Variants in SEPHS1 observed in about 807,000 individuals in gnomAD.
SEPHS1 encodes the protein zincore component SEPHS1.
SEPHS1 carries 7 observed loss-of-function variants against 39.2 expected under a neutral mutation model. That is an observed-to-expected ratio of 0.18 (90% CI 0.10 to 0.34). The LOEUF (loss-of-function observed/expected upper bound fraction) is 0.34. Among genes scored for constraint, SEPHS1 ranks in the 10% least tolerant of loss-of-function variants. SEPHS1 has a pLI of 1.00. For missense variants in SEPHS1, 253 were observed against 514.5 expected (o/e 0.49, Z 4.92); for synonymous variants, 190 against 195.5 (o/e 0.97, Z 0.23).
rs1361407515 is a variant in SEPHS1, at chr10:13,322,872, C to A, written c.927G>T (p.Met309Ile). The A allele has an allele frequency of 6.2e-7, 1 of 1,613,856 alleles. No individual in the cohort carries two copies. The highest frequency in any genetic ancestry group is 1.7e-5 in the Admixed American group (1 of 60,006). Residue 309 changes from methionine to isoleucine, a missense_variant, in exon 8 of 9, where the codon ATG (methionine) becomes ATT (isoleucine). This residue lies in a region of SEPHS1 where 107 missense variants were observed against 257.1 expected (regional missense o/e 0.42). Coordinates refer to ENST00000327347, the MANE Select transcript of SEPHS1 (RefSeq NM_012247.5). ...MAAVSKACGNMFGLMHGTCPE... is the reference protein window; with the variant it reads ...MAAVSKACGNIFGLMHGTCPE... ...GGCAGGTCCCGTGCATGAGGCCGAACATGTTTCCGCAGGCCTTGCTCACCG... is the reference window on the plus strand; with the variant it reads ...GGCAGGTCCCGTGCATGAGGCCGAAAATGTTTCCGCAGGCCTTGCTCACCG...
At chr10:13,320,605 C>T (rs998897381) in intron 8 of SEPHS1, among the ~76,000 whole-genome samples, 14 of 151,630 alleles carry the variant, frequency 9.2e-5, no homozygotes, top group South Asian at 2.1e-4. Context: ...TTTGGGAGGC[C>T]GAGGCGGGTG....
intron 1 of SEPHS1, among the ~76,000 whole-genome samples, chr10:13,347,742 G>A (rs1332114012): frequency 7.2e-6 from 1 of 139,600 alleles, no homozygotes; most frequent in Non-Finnish European, 1.6e-5. Context: ...CCTCCCCTCC[G>A]CTCCTCCCCG....
intron 8 of SEPHS1, among the ~76,000 whole-genome samples, chr10:13,319,885 A>G (rs1045154295): frequency 1.3e-5 from 2 of 152,254 alleles, no homozygotes; most frequent in African/African-American, 4.8e-5. Flanking sequence ...TTCGTGAACC[A>G]CATAACACTG....
In SEPHS1 at chr10:13,323,133, T is replaced by C. The variant is rs568750025; in HGVS notation, c.752-86A>G. Reference sequence around the variant, plus strand: ...GTCCACAATTAATCTGCAACTTCCTTACTTGTCAGGGAGATGACGTATCGG... The same window carrying C: ...GTCCACAATTAATCTGCAACTTCCTCACTTGTCAGGGAGATGACGTATCGG... On this transcript the variant is annotated intron_variant, in intron 7 of 8. Transcript: ENST00000327347. 10 of 1,043,748 alleles carry C rather than the reference T, an allele frequency of 9.6e-6. No individual in the cohort carries two copies. The Admixed American group carries it at 9.9e-5, about 10-fold the overall frequency. The allele number at this position is 1,043,748 out of a possible 1,614,324, so 64.7% of individuals were successfully genotyped here.
intron 2 of SEPHS1, among the ~76,000 whole-genome samples, chr10:13,344,012 A>G (rs189687635): frequency 2.0e-3 from 301 of 152,244 alleles, no homozygotes; most frequent in African/African-American, 6.5e-3. Context: ...AAGTGAAATC[A>G]CTCATGACAT....
At chr10:13,336,989 A>G (rs1464286911) in intron 3 of SEPHS1, among the ~76,000 whole-genome samples, 1 of 152,192 alleles carries the variant, frequency 6.6e-6, no homozygotes, top group African/African-American at 2.4e-5. Context: ...TGTTTCTACT[A>G]AAAATATAAA....
At chr10:13,319,380 C>A in intron 8 of SEPHS1, 24 bp from the exon 9 acceptor site, 2 of 1,610,504 alleles carry the variant, frequency 1.2e-6, no homozygotes, top group Non-Finnish European at 1.7e-6. Flanking sequence ...ACAAGAATGA[C>A]TGTTAGTGTT....
At chr10:13,346,217 C>T (rs759277678) in intron 1 of SEPHS1, among the ~76,000 whole-genome samples, 1 of 152,174 alleles carries the variant, frequency 6.6e-6, no homozygotes, top group African/African-American at 2.4e-5. Context: ...GTTTTTTAGC[C>T]TTTGGGGCTA....
chr10:13,330,164 T>A (rs538186300), intron 5 of SEPHS1, among the ~76,000 whole-genome samples: 23 of 152,322 alleles, frequency 1.5e-4, no homozygotes, highest in African/African-American at 5.3e-4. Flanking sequence ...AAACGTTTCA[T>A]CAGGCCCAGA....
chr10:13,335,199 G>C (rs1397446841), intron 4 of SEPHS1, among the ~76,000 whole-genome samples: 1 of 152,202 alleles, frequency 6.6e-6, no homozygotes, highest in Non-Finnish European at 1.5e-5. Flanking sequence ...AGAATGCTAG[G>C]CGATGACACA....
At chr10:13,341,286 G>C (rs1427638078) in intron 2 of SEPHS1, among the ~76,000 whole-genome samples, 2 of 152,152 alleles carry the variant, frequency 1.3e-5, no homozygotes, top group African/African-American at 4.8e-5. Flanking sequence ...GGGAACAGAG[G>C]AAAATGCCAC....
chr10:13,336,180 C>G (rs754539389), intron 4 of SEPHS1, 63 bp downstream of exon 4: 2 of 1,165,228 alleles, frequency 1.7e-6, no homozygotes, highest in East Asian at 2.4e-5. Context: ...CCAAGTCTAA[C>G]CAAGGCCAGA....
At chr10:13,346,600 T>C (rs1194373220) in intron 1 of SEPHS1, among the ~76,000 whole-genome samples, 1 of 151,778 alleles carries the variant, frequency 6.6e-6, no homozygotes, top group Non-Finnish European at 1.5e-5. Context: ...TTTGAAGCCA[T>C]CTTAGAGTTA....
At chr10:13,328,477 G>T in intron 6 of SEPHS1, 27 bp from the exon 7 acceptor site, 1 of 1,459,028 alleles carries the variant, frequency 6.9e-7, no homozygotes. Context: ...AGGTGAGGGA[G>T]AGAAAGAGAG....
chr10:13,339,655 G>A (rs1263043962), intron 2 of SEPHS1, among the ~76,000 whole-genome samples: 2 of 152,000 alleles, frequency 1.3e-5, no homozygotes, highest in Non-Finnish European at 2.9e-5. Context: ...GACTCCCACA[G>A]ACACCAACAT....
chr10:13,321,923 G>C (rs1479105378), intron 8 of SEPHS1: 1 of 331,748 alleles, frequency 3.0e-6, no homozygotes, highest in African/African-American at 2.3e-5. Context: ...AAATGATAAG[G>C]GATATAAAAG....
chr10:13,335,022 C>T (rs1054730237), intron 4 of SEPHS1, among the ~76,000 whole-genome samples: 2 of 152,226 alleles, frequency 1.3e-5, no homozygotes, highest in Non-Finnish European at 2.9e-5. Context: ...CCATGCACCA[C>T]TGATGACTAC....
chr10:13,335,112 G>A (rs1588542826), intron 4 of SEPHS1, among the ~76,000 whole-genome samples: 1 of 152,160 alleles, frequency 6.6e-6, no homozygotes, highest in African/African-American at 2.4e-5. Context: ...GGGGCTCTTG[G>A]GACAAAAACA....
intron 3 of SEPHS1, among the ~76,000 whole-genome samples, chr10:13,337,881 G>A (rs899624012): frequency 6.6e-6 from 1 of 152,192 alleles, no homozygotes; most frequent in South Asian, 2.1e-4. Flanking sequence ...GGTACCTGAG[G>A]GTGAACACCC....
Sources: allele counts gnomAD v4.1 joint callset (sites outside exome capture counted in the v4.1 genomes callset), GRCh38; gene constraint gnomAD v4.1.1; regional missense constraint gnomAD v4.1.1; transcripts MANE v1.5; gene names NCBI Gene and HGNC (gene_info 2026-07-23, HGNC 2026-07-21).